AFF3: variants seen among roughly 807,000 people sequenced by gnomAD.
AFF3 encodes AF4/FMR2 family member 3.
A neutral mutation model predicts 129.7 loss-of-function variants in AFF3; 32 were observed. The ratio of observed to expected loss-of-function variants is 0.25; its 90% confidence interval spans 0.19 to 0.33. The LOEUF is 0.33. Among genes scored for constraint, AFF3 ranks in the 10% least tolerant of loss-of-function variants. The probability of loss-of-function intolerance (pLI) is 1.00; values close to 1 mark genes in which losing one functional copy is unlikely to be tolerated. For missense variants in AFF3, 1,373 were observed against 1,592.0 expected (o/e 0.86, Z 2.34); for synonymous variants, 644 against 635.4 (o/e 1.01, Z -0.20).
intron 7 of AFF3, among the ~76,000 whole-genome samples, chr2:99,925,845 T>C (rs1696201601): frequency 6.6e-6 from 1 of 152,224 alleles, no homozygotes; most frequent in African/African-American, 2.4e-5. Flanking sequence ...GCTTATGTTG[T>C]TCTAAAGCCA....
intron 7 of AFF3, among the ~76,000 whole-genome samples, chr2:99,909,611 TA>T (rs143706151): frequency 0.047 from 6,499 of 136,822 alleles, 441 homozygotes; most frequent in African/African-American, 0.16. Context: ...ATAATAATAA[TA>T]AAAAAAAAAG....
intron 4 of AFF3, among the ~76,000 whole-genome samples, chr2:100,045,991 A>T (rs1296791215): frequency 1.3e-5 from 2 of 152,166 alleles, no homozygotes; most frequent in African/African-American, 4.8e-5. Context: ...TTTTGACTGC[A>T]TGAGGGTTGG....
At position 99,946,473 on chromosome 2, in the gene AFF3, T is replaced by TAAAAAAA. The variant is rs55672296; in HGVS notation, c.873+60152_873+60158dup. ...TGGTTGACAGAGTGAGACGCCATCT[T>TAAAAAAA]AAAAAAAAAAAAAAAAAAAAAAAAA... On this transcript the variant is annotated intron_variant, in intron 7 of 24. Coordinates refer to ENST00000672756, the MANE Select transcript of AFF3 (RefSeq NM_001386135.1). Among the ~76,000 whole-genome samples, 149 of 50,498 alleles carry TAAAAAAA rather than the reference T, an allele frequency of 3.0e-3. 5 individuals are homozygous for TAAAAAAA. The highest frequency in any genetic ancestry group is 4.1e-3 in the Non-Finnish European group (110 of 26,840). 33.1% of individuals were successfully genotyped at this position (50,498 alleles called of 152,430 possible). A position where few individuals can be genotyped will look rare whatever the true frequency, so the allele number is the denominator to read the frequency against.
chr2:100,092,869 TA>T (rs1689971668), intron 4 of AFF3, among the ~76,000 whole-genome samples: 1 of 151,192 alleles, frequency 6.6e-6, no homozygotes, highest in African/African-American at 2.4e-5. Flanking sequence ...TTGGGGCAGG[TA>T]AAAAGTCTAC....
chr2:99,697,632 T>C (rs935756237), intron 11 of AFF3, among the ~76,000 whole-genome samples: 1 of 152,218 alleles, frequency 6.6e-6, no homozygotes, highest in Non-Finnish European at 1.5e-5. Flanking sequence ...GGAAAATAGA[T>C]CCTGGTAAGG....
At chr2:99,599,662 C>T (rs1679628316) in intron 14 of AFF3, among the ~76,000 whole-genome samples, 2 of 152,164 alleles carry the variant, frequency 1.3e-5, no homozygotes, top group South Asian at 4.1e-4. Flanking sequence ...TGCAAAGCCA[C>T]AAGGAGGAGC....
At chr2:99,789,949 C>T (rs879216551) in intron 8 of AFF3, among the ~76,000 whole-genome samples, 55 of 152,178 alleles carry the variant, frequency 3.6e-4, no homozygotes, top group Admixed American at 1.8e-3. Context: ...GTGAAAATTA[C>T]ACATGCATGG....
intron 4 of AFF3, among the ~76,000 whole-genome samples, chr2:100,025,949 G>T (rs1436359158): frequency 1.3e-5 from 2 of 152,158 alleles, no homozygotes; most frequent in Non-Finnish European, 2.9e-5. Flanking sequence ...AAAAATTCTA[G>T]AAGACAACAT....
chr2:99,654,409 C>A (rs572178850), intron 12 of AFF3, among the ~76,000 whole-genome samples: 1 of 152,088 alleles, frequency 6.6e-6, no homozygotes, highest in East Asian at 1.9e-4. Flanking sequence ...TTTAAAAAAA[C>A]CTTCAGCTTT....
At chr2:100,119,675 AG>A (rs925568600) in intron 2 of AFF3, among the ~76,000 whole-genome samples, 1 of 152,240 alleles carries the variant, frequency 6.6e-6, no homozygotes, top group Non-Finnish European at 1.5e-5. Context: ...CAAATGAGGT[AG>A]GCACTGTCAT....
At chr2:100,122,764 C>G (rs746004261) in intron 2 of AFF3, among the ~76,000 whole-genome samples, 1 of 152,146 alleles carries the variant, frequency 6.6e-6, no homozygotes, top group Non-Finnish European at 1.5e-5. Flanking sequence ...GTACATTTTT[C>G]AAATTTTAAA....
chr2:100,111,912 G>T (rs550122166), intron 2 of AFF3, among the ~76,000 whole-genome samples: 1 of 152,346 alleles, frequency 6.6e-6, no homozygotes, highest in South Asian at 2.1e-4. Context: ...AATGTTTCCA[G>T]TGGTGGGGAG....
intron 13 of AFF3, among the ~76,000 whole-genome samples, chr2:99,602,700 A>T (rs1269306771): frequency 6.6e-6 from 1 of 152,178 alleles, no homozygotes; most frequent in Non-Finnish European, 1.5e-5. Flanking sequence ...CTTCTATAGG[A>T]CCGAGCATCA....
intron 4 of AFF3, among the ~76,000 whole-genome samples, chr2:100,047,193 G>A (rs929913165): frequency 2.0e-5 from 3 of 152,218 alleles, no homozygotes; most frequent in Non-Finnish European, 4.4e-5. Flanking sequence ...CGCTGAAGGC[G>A]CTCTTGAGCA....
chr2:100,056,217 T>C (rs1011436527), intron 4 of AFF3, among the ~76,000 whole-genome samples: 1 of 152,114 alleles, frequency 6.6e-6, no homozygotes, highest in Non-Finnish European at 1.5e-5. Flanking sequence ...GAAATCAATA[T>C]TCACTCTCTA....
chr2:100,122,979 C>G (rs6745099), intron 2 of AFF3, among the ~76,000 whole-genome samples: 19,077 of 152,126 alleles, frequency 0.13, 1,402 homozygotes, highest in Non-Finnish European at 0.15. Context: ...GGTAGATGAT[C>G]AATAAATGCT....
Position 99,573,510 on chromosome 2 carries a change from G to A in AFF3, c.2919-4595C>T, listed in dbSNP as rs3828313. Among the ~76,000 whole-genome samples the A allele has an allele frequency of 6.6e-5, 10 of 152,262 alleles. No individual in the cohort carries two copies. The East Asian group carries it at 1.7e-3, about 26-fold the overall frequency. On this transcript the variant is annotated intron_variant, in intron 18 of 24. Transcript: ENST00000672756. ...GGAGCGCCTTCCCAGCTGCAATTTCGCCTACTCAAGGATCTTAATTGGTGT... is the reference window on the plus strand; with the variant it reads ...GGAGCGCCTTCCCAGCTGCAATTTCACCTACTCAAGGATCTTAATTGGTGT...
intron 4 of AFF3, among the ~76,000 whole-genome samples, chr2:100,038,041 T>G (rs1261968397): frequency 1.3e-5 from 2 of 151,804 alleles, no homozygotes; most frequent in African/African-American, 2.4e-5. Flanking sequence ...CAATTATTAT[T>G]TCAAATTAGA....
intron 8 of AFF3, among the ~76,000 whole-genome samples, chr2:99,781,169 C>T (rs2115600): frequency 0.72 from 108,994 of 151,968 alleles, 40,766 homozygotes; most frequent in South Asian, 0.9. Flanking sequence ...CCTACTGTTC[C>T]CTTGGCCTGT....
Sources: gnomAD v4.1 joint callset for allele counts (sites outside exome capture counted in the v4.1 genomes callset) on GRCh38, gnomAD v4.1.1 for gene constraint, MANE v1.5 for transcripts, NCBI Gene and HGNC (gene_info 2026-07-23, HGNC 2026-07-21) for gene names.